RFC3: variants seen among roughly 807,000 people sequenced by gnomAD.
The protein encoded by RFC3 is replication factor C subunit 3, also known as A1 38 kDa subunit.
A neutral mutation model predicts 45.1 loss-of-function variants in RFC3; 41 were observed. That is an observed-to-expected ratio of 0.91 (90% CI 0.71 to 1.18). RFC3 has a LOEUF of 1.18. Ranked by LOEUF, RFC3 falls within the 50% of genes most tolerant of loss-of-function variation. The probability of loss-of-function intolerance (pLI) is 0.00; values close to 1 mark genes in which losing one functional copy is unlikely to be tolerated. For synonymous variants in RFC3, 149 were observed against 144.0 expected (o/e 1.03, Z -0.25); for missense variants, 423 against 428.1 (o/e 0.99, Z 0.10).
chr13:33,895,120 A>G (rs1260165221), intron 8 of RFC3, among the ~76,000 whole-genome samples: 1 of 148,026 alleles, frequency 6.8e-6, no homozygotes, highest in Non-Finnish European at 1.5e-5. Context: ...TAGAACCCCA[A>G]AAGCCAATGC....
chr13:33,931,638 A>G (rs2082852946), intron 8 of RFC3, among the ~76,000 whole-genome samples: 1 of 110,436 alleles, frequency 9.1e-6, no homozygotes, highest in Non-Finnish European at 1.7e-5. Flanking sequence ...TGACTGCCTT[A>G]GAAGTTGTGT....
At chr13:33,922,887 G>A (rs546880942) in intron 8 of RFC3, among the ~76,000 whole-genome samples, 73 of 152,224 alleles carry the variant, frequency 4.8e-4, no homozygotes, top group Non-Finnish European at 9.1e-4. Context: ...TAGGTGTCTC[G>A]TAGGGTTGCA....
chr13:33,964,745 A>G (rs1234986425), intron 8 of RFC3, among the ~76,000 whole-genome samples: 6 of 152,222 alleles, frequency 3.9e-5, no homozygotes, highest in African/African-American at 1.2e-4. Flanking sequence ...CCCCAAAAAT[A>G]TAGGTCTATG....
chr13:33,831,045 A>C (rs2082097579), intron 6 of RFC3, among the ~76,000 whole-genome samples, 190 bp downstream of exon 6: 1 of 152,104 alleles, frequency 6.6e-6, no homozygotes, highest in African/African-American at 2.4e-5. Context: ...TTGCATAAGC[A>C]GTTCACAATA....
At chr13:33,889,716 T>A (rs757607663) in intron 8 of RFC3, among the ~76,000 whole-genome samples, 38 of 152,190 alleles carry the variant, frequency 2.5e-4, no homozygotes, top group Admixed American at 1.3e-4. Context: ...ATCCCAGGCT[T>A]CCTCCAATCC....
chr13:33,842,997 A>G (rs1192987161), intron 8 of RFC3, among the ~76,000 whole-genome samples: 1 of 152,158 alleles, frequency 6.6e-6, no homozygotes, highest in Non-Finnish European at 1.5e-5. Context: ...ACACTCTGAG[A>G]TTTATCAGAA....
chr13:33,906,254 T>A (rs1246256939), intron 8 of RFC3, among the ~76,000 whole-genome samples: 3 of 152,116 alleles, frequency 2.0e-5, no homozygotes, highest in African/African-American at 4.8e-5. Context: ...GTGTGATTCT[T>A]ATTTATTTGG....
intron 8 of RFC3, among the ~76,000 whole-genome samples, chr13:33,923,101 G>C (rs182932967): frequency 6.6e-6 from 1 of 152,048 alleles, no homozygotes; most frequent in African/African-American, 2.4e-5. Context: ...AAAAGCCCCC[G>C]CTCTGACTGG....
intron 8 of RFC3, among the ~76,000 whole-genome samples, chr13:33,934,400 A>G (rs1035940875): frequency 3.9e-5 from 6 of 152,146 alleles, no homozygotes; most frequent in African/African-American, 1.4e-4. Flanking sequence ...ATGATGAGAC[A>G]GTAAGAGGGA....
chr13:33,914,827 C>T (rs1036359696), intron 8 of RFC3, among the ~76,000 whole-genome samples: 4 of 152,042 alleles, frequency 2.6e-5, no homozygotes, highest in Admixed American at 2.0e-4. Context: ...TGCAAGAATT[C>T]ACCAGTTCTA....
At chr13:33,933,655 G>A (rs17080234) in intron 8 of RFC3, among the ~76,000 whole-genome samples, 4,094 of 151,994 alleles carry the variant, frequency 0.027, 149 homozygotes, top group African/African-American at 0.077. Flanking sequence ...ATGATGACCT[G>A]TGAAATTGAA....
chr13:33,945,738 G>A (rs1238612084), intron 8 of RFC3, among the ~76,000 whole-genome samples: 3 of 152,172 alleles, frequency 2.0e-5, no homozygotes, highest in Admixed American at 1.3e-4. Context: ...ACTAGTTCAC[G>A]CTCAGATGAA....
At chr13:33,884,740 C>T (rs994614448) in intron 8 of RFC3, among the ~76,000 whole-genome samples, 12 of 152,198 alleles carry the variant, frequency 7.9e-5, no homozygotes, top group African/African-American at 2.9e-4. Flanking sequence ...TTCCCCAGGG[C>T]TGAAGTATAT....
At chr13:33,949,690 T>G (rs1027711285) in intron 8 of RFC3, among the ~76,000 whole-genome samples, 1 of 152,150 alleles carries the variant, frequency 6.6e-6, no homozygotes, top group African/African-American at 2.4e-5. Context: ...TGGTCAAATA[T>G]TATTCTGGGT....
intron 8 of RFC3, among the ~76,000 whole-genome samples, chr13:33,949,194 T>C (rs1304338837): frequency 6.6e-6 from 1 of 152,078 alleles, no homozygotes; most frequent in Non-Finnish European, 1.5e-5. Context: ...TGAGTGAATC[T>C]CACAAGATCT....
chr13:33,936,479 A>G (rs375924693), intron 8 of RFC3, among the ~76,000 whole-genome samples: 11 of 152,286 alleles, frequency 7.2e-5, no homozygotes, highest in African/African-American at 2.6e-4. Flanking sequence ...GTCCTTGAAG[A>G]TGAAATTAGT....
intron 8 of RFC3, among the ~76,000 whole-genome samples, chr13:33,947,252 G>T (rs1350509400): frequency 6.6e-6 from 1 of 152,164 alleles, no homozygotes; most frequent in Non-Finnish European, 1.5e-5. Flanking sequence ...ATGATAATGA[G>T]TGAGTCTCAT....
chr13:33,854,280 G>A (rs2082295351), intron 8 of RFC3, among the ~76,000 whole-genome samples: 1 of 152,160 alleles, frequency 6.6e-6, no homozygotes, highest in Admixed American at 6.5e-5. Flanking sequence ...ATAATTGCCT[G>A]AGACGGAAAG....
At chr13:33,901,426 T>G (rs2137669962) in intron 8 of RFC3, among the ~76,000 whole-genome samples, 1 of 152,170 alleles carries the variant, frequency 6.6e-6, no homozygotes, top group Non-Finnish European at 1.5e-5. Context: ...TTAAATGAGA[T>G]AAGCCAAGCA....
Sources: gnomAD v4.1 joint callset for allele counts (sites outside exome capture counted in the v4.1 genomes callset) on GRCh38, gnomAD v4.1.1 for gene constraint, MANE v1.5 for transcripts, NCBI Gene and HGNC (gene_info 2026-07-23, HGNC 2026-07-21) for gene names.